Variants in IRF2 observed in about 807,000 individuals in gnomAD.
IRF2 encodes interferon regulatory factor 2.
IRF2 carries 15 observed loss-of-function variants against 40.6 expected under a neutral mutation model. The ratio of observed to expected loss-of-function variants is 0.37; its 90% CI spans 0.25 to 0.57. IRF2 has a LOEUF of 0.57. Among genes scored for constraint, IRF2 ranks in the 20% least tolerant of loss-of-function variants. The pLI is 0.77. For missense variants in IRF2, 317 were observed against 455.7 expected (o/e 0.70, Z 2.77); for synonymous variants, 151 against 165.5 (o/e 0.91, Z 0.67).
chr4:184,414,728 A>ATG (rs1554013784), intron 5 of IRF2, among the ~76,000 whole-genome samples: 1 of 152,234 alleles, frequency 6.6e-6, no homozygotes, highest in Non-Finnish European at 1.5e-5. Flanking sequence ...GAGATAAATC[A>ATG]TGAGTGACCC....
intron 2 of IRF2, among the ~76,000 whole-genome samples, chr4:184,424,094 CA>C (rs1737582488): frequency 6.6e-6 from 1 of 151,782 alleles, no homozygotes; most frequent in Non-Finnish European, 1.5e-5. Context: ...AAAGATAAGG[CA>C]AAATATTCAT....
intron 7 of IRF2, among the ~76,000 whole-genome samples, chr4:184,396,952 C>A (rs1033260589): frequency 1.4e-4 from 21 of 152,092 alleles, no homozygotes; most frequent in Non-Finnish European, 2.9e-5. Context: ...ACAACAACAA[C>A]AAACAACAAC....
rs1340587331 is a variant in IRF2 at position 184,409,397 on chromosome 4, AC to A, written c.412-1123del. Among the ~76,000 whole-genome samples, 11 of 152,154 alleles carry A rather than the reference AC, an allele frequency of 7.2e-5. No homozygotes were observed. In the East Asian group the frequency reaches 2.1e-3, roughly 29 times the overall value. ...TCATAATCCCACCTGGCAAACTCCC[AC>A]CTTAATAACATGACTTCAAAGGCAT... On this transcript the variant is annotated intron_variant, in intron 5 of 8. Transcript: ENST00000393593.
At chr4:184,398,328 G>A (rs1281119519) in intron 7 of IRF2, among the ~76,000 whole-genome samples, 1 of 152,112 alleles carries the variant, frequency 6.6e-6, no homozygotes, top group Non-Finnish European at 1.5e-5. Flanking sequence ...ATGAACTACT[G>A]CCCTAAAGAA....
chr4:184,424,392 C>T (rs907216163), intron 2 of IRF2, among the ~76,000 whole-genome samples: 9 of 152,122 alleles, frequency 5.9e-5, no homozygotes, highest in Non-Finnish European at 1.2e-4. Flanking sequence ...ATTTAATCCC[C>T]AATGTGGCAG....
At chr4:184,435,567 A>AG (rs565052272) in intron 1 of IRF2, among the ~76,000 whole-genome samples, 33 of 152,284 alleles carry the variant, frequency 2.2e-4, no homozygotes, top group African/African-American at 7.7e-4. Flanking sequence ...GTTAAAAATT[A>AG]GGGGGGCAAG....
intron 1 of IRF2, among the ~76,000 whole-genome samples, chr4:184,463,810 T>C (rs546900439): frequency 5.6e-4 from 86 of 152,274 alleles, no homozygotes; most frequent in African/African-American, 2.0e-3. Context: ...ATTGGAGATT[T>C]GAGGTCTTCA....
At position 184,418,618 on chromosome 4, in the gene IRF2, TC is replaced by T. The variant is rs760665800; in HGVS notation, c.277del (p.Glu93LysfsTer7). Reference sequence around the variant, plus strand: ...TTTCTTTATGCTTTTATCCTTGACTTCTTCAATATCAGGCAAGGAATTCATG... The same window carrying T: ...TTTCTTTATGCTTTTATCCTTGACTTTTCAATATCAGGCAAGGAATTCATG... ...CAMNSLPDIE[E>X]VKDKSIKKGN... On this transcript the variant is annotated frameshift_variant, in exon 4 of 9. Transcript: ENST00000393593. LOFTEE classifies it high-confidence loss of function. The T allele has an allele frequency of 6.2e-7, 1 of 1,614,046 alleles. No homozygotes were observed. Among genetic ancestry groups the T allele is most frequent in the Admixed American group, 1.7e-5 (1 of 60,032 alleles).
At chr4:184,457,002 C>T (rs1738964208) in intron 1 of IRF2, among the ~76,000 whole-genome samples, 2 of 152,362 alleles carry the variant, frequency 1.3e-5, no homozygotes, top group African/African-American at 2.4e-5. Context: ...GTGAGGGCCT[C>T]GGCACCTGAT....
chr4:184,447,197 A>G (rs1042230320), intron 1 of IRF2, among the ~76,000 whole-genome samples: 2 of 152,124 alleles, frequency 1.3e-5, no homozygotes, highest in African/African-American at 4.8e-5. Context: ...GAAAGGAAAT[A>G]AGGAAGGGCT....
At chr4:184,438,549 AGT>A (rs1041167415) in intron 1 of IRF2, among the ~76,000 whole-genome samples, 4 of 152,074 alleles carry the variant, frequency 2.6e-5, no homozygotes, top group African/African-American at 9.7e-5. Flanking sequence ...GCCTCCCGAC[AGT>A]GTGTGTGCAG....
At chr4:184,460,684 C>CAT (rs397813714) in intron 1 of IRF2, among the ~76,000 whole-genome samples, 10 of 150,268 alleles carry the variant, frequency 6.7e-5, no homozygotes, top group Admixed American at 1.3e-4. Flanking sequence ...CACACATGCA[C>CAT]GCACACACAC....
chr4:184,407,404 A>G (rs537461608), intron 6 of IRF2: 68 of 381,904 alleles, frequency 1.8e-4, no homozygotes, highest in Admixed American at 8.9e-4. Flanking sequence ...AAGGAACATC[A>G]GAAGATGTGT....
At chr4:184,419,876 T>C (rs939535151) in intron 2 of IRF2, among the ~76,000 whole-genome samples, 5 of 152,174 alleles carry the variant, frequency 3.3e-5, no homozygotes, top group Non-Finnish European at 5.9e-5. Context: ...GTTTTCAATA[T>C]ATTTTTTTGG....
intron 1 of IRF2, among the ~76,000 whole-genome samples, chr4:184,451,123 AT>A (rs1254394706): frequency 1.4e-4 from 21 of 152,344 alleles, no homozygotes; most frequent in Non-Finnish European, 2.2e-4. Context: ...TTTAGATTCC[AT>A]GGTACTTGGG....
intron 7 of IRF2, among the ~76,000 whole-genome samples, chr4:184,394,645 A>T (rs1736380717): frequency 6.6e-6 from 1 of 151,894 alleles, no homozygotes; most frequent in Admixed American, 6.6e-5. Context: ...CCACTCTCTC[A>T]TTATAGCCAG....
chr4:184,412,004 TTAAAAAAA>T lies in IRF2; in HGVS notation c.412-3737_412-3730del, dbSNP rs1373668033. 2.6e-3 allele frequency among the ~76,000 whole-genome samples: 205 copies of T among 80,244 alleles called. 1 individual carries two copies. Among genetic ancestry groups the T allele is most frequent in the African/African-American group, 0.011 (197 of 18,348 alleles). 52.6% of individuals were successfully genotyped at this position (80,244 alleles called of 152,430 possible). On this transcript the variant is annotated intron_variant, in intron 5 of 8. Transcript: ENST00000393593. The stretch of plus-strand genomic sequence containing the variant: ...TAATTTTCTCCCCTTGCTCCAAAGA[TTAAAAAAA>T]AAAAAAAAAAAAAAAAAGACTCTGC...
intron 1 of IRF2, among the ~76,000 whole-genome samples, chr4:184,470,689 C>CA (rs70959201): frequency 0.14 from 3,036 of 22,008 alleles, 161 homozygotes; most frequent in African/African-American, 0.36. Context: ...GACTCTGCCT[C>CA]AAAAAAAAAA....
At chr4:184,407,627 C>G (rs1736907022) in intron 6 of IRF2, among the ~76,000 whole-genome samples, 1 of 152,220 alleles carries the variant, frequency 6.6e-6, no homozygotes, top group Admixed American at 6.5e-5. Context: ...TTTACTATCT[C>G]TGTCCCTCCA....
Sources: gnomAD v4.1 joint callset for allele counts (sites outside exome capture counted in the v4.1 genomes callset) on GRCh38, gnomAD v4.1.1 for gene constraint, MANE v1.5 for transcripts, NCBI Gene and HGNC (gene_info 2026-07-23, HGNC 2026-07-21) for gene names.